RBFOX3: variants seen among roughly 807,000 people sequenced by gnomAD.
RBFOX3 encodes the protein RNA binding protein fox-1 homolog 3.
RBFOX3 carries 17 observed loss-of-function variants against 48.7 expected under a neutral mutation model. The ratio of observed to expected loss-of-function variants is 0.35; its 90% CI spans 0.24 to 0.52. The LOEUF (loss-of-function observed/expected upper bound fraction) is 0.52. RBFOX3 is among the 20% of genes least tolerant of loss of function. RBFOX3 has a pLI of 0.94. For synonymous variants in RBFOX3, 212 were observed against 209.5 expected (o/e 1.01, Z -0.10); for missense variants, 382 against 497.5 (o/e 0.77, Z 2.21).
intron 1 of RBFOX3, among the ~76,000 whole-genome samples, chr17:79,551,228 G>A (rs953073819): frequency 6.6e-6 from 1 of 152,074 alleles, no homozygotes; most frequent in African/African-American, 2.4e-5. Context: ...AACATGAGCA[G>A]GGCGATTCCC....
At chr17:79,542,364 C>T (rs1382456749) in intron 1 of RBFOX3, among the ~76,000 whole-genome samples, 15 of 152,118 alleles carry the variant, frequency 9.9e-5, no homozygotes, top group African/African-American at 2.4e-4. Context: ...GCAGTGTGAG[C>T]GCTAGTGGGG....
intron 2 of RBFOX3, among the ~76,000 whole-genome samples, chr17:79,386,752 C>T (rs943350469): frequency 6.6e-6 from 1 of 152,204 alleles, no homozygotes; most frequent in African/African-American, 2.4e-5. Context: ...GGCCCCACCC[C>T]CTACTCCAAG....
chr17:79,508,013 C>T (rs1286209951), intron 1 of RBFOX3, among the ~76,000 whole-genome samples: 41 of 152,236 alleles, frequency 2.7e-4, no homozygotes, highest in African/African-American at 8.9e-4. Flanking sequence ...AACATGGATG[C>T]TGTTGAGGAC....
chr17:79,097,609 C>CAAA, intron 10 of RBFOX3, 83 bp downstream of exon 10: 2 of 1,297,002 alleles, frequency 1.5e-6, no homozygotes, highest in Non-Finnish European at 2.1e-6. Flanking sequence ...CCCCGCCCCT[C>CAAA]ATGCCCCGCC....
At position 79,161,076 on chromosome 17, in the gene RBFOX3, C is replaced by T. The variant is rs565953051; in HGVS notation, c.-33-45328G>A. On this transcript the variant is annotated intron_variant, in intron 4 of 14. Coordinates refer to ENST00000693108, the MANE Select transcript of RBFOX3 (RefSeq NM_001350451.2). ...AGGAAGATGTCTATCTGGTTTTTGC[C>T]CACCAGGAATTTGGAGGTTAGAAAC... Among the ~76,000 whole-genome samples, 14 of 152,160 alleles carry T rather than the reference C, an allele frequency of 9.2e-5. No homozygotes were observed. In the South Asian group the frequency reaches 2.9e-3, roughly 32 times the overall value.
At chr17:79,588,645 C>T (rs1350089494) in intron 1 of RBFOX3, among the ~76,000 whole-genome samples, 2 of 152,172 alleles carry the variant, frequency 1.3e-5, no homozygotes, top group African/African-American at 4.8e-5. Flanking sequence ...CACAGCCCTC[C>T]CCCAAGAGAC....
Position 79,120,687 on chromosome 17 carries a change from T to C in RBFOX3, c.-33-4939A>G, listed in dbSNP as rs1016728910. 1.2e-4 allele frequency among the ~76,000 whole-genome samples: 10 copies of C among 82,344 alleles called. No individual in the cohort carries two copies. In the East Asian group the frequency reaches 4.2e-3, roughly 35 times the overall value. The allele number at this position is 82,344 out of a possible 152,430, so 54.0% of individuals were successfully genotyped here. A position where few individuals can be genotyped will look rare whatever the true frequency, so the allele number is the denominator to read the frequency against. On this transcript the variant is annotated intron_variant, in intron 4 of 14. Transcript: ENST00000693108. ...ATGAATGGATGGGTGGATGGTTGGA[T>C]GGATAGATGGGTGGGTGGGTGGGTG...
chr17:79,521,576 C>T (rs2086107015), intron 1 of RBFOX3, among the ~76,000 whole-genome samples: 1 of 151,756 alleles, frequency 6.6e-6, no homozygotes, highest in East Asian at 1.9e-4. Flanking sequence ...AAACATACTC[C>T]ACAGACATAC....
At chr17:79,478,283 G>A (rs569869816) in intron 2 of RBFOX3, among the ~76,000 whole-genome samples, 102 of 152,338 alleles carry the variant, frequency 6.7e-4, no homozygotes, top group Admixed American at 1.3e-3. Flanking sequence ...ATGTGTTGCC[G>A]CTCATGGGTG....
chr17:79,485,851 C>T (rs1336985966), intron 1 of RBFOX3, among the ~76,000 whole-genome samples: 1 of 152,214 alleles, frequency 6.6e-6, no homozygotes, highest in Non-Finnish European at 1.5e-5. Context: ...ATCCTAGCCC[C>T]ACCGATAGGC....
chr17:79,578,759 G>T (rs1213667284), intron 1 of RBFOX3, among the ~76,000 whole-genome samples: 2 of 152,238 alleles, frequency 1.3e-5, no homozygotes, highest in Non-Finnish European at 2.9e-5. Flanking sequence ...GAAGCCAGAG[G>T]TGTGGGTAGC....
At chr17:79,650,574 T>G in the RBFOX3 span, among the ~76,000 whole-genome samples, 1 of 151,912 alleles carries the variant, frequency 6.6e-6, no homozygotes, top group Non-Finnish European at 1.5e-5. Context: ...GATGCCAGGC[T>G]CACAGAGCAG....
intron 1 of RBFOX3, among the ~76,000 whole-genome samples, chr17:79,596,702 A>G (rs905490337): frequency 1.4e-5 from 2 of 146,896 alleles, no homozygotes; most frequent in Middle Eastern, 3.5e-3. Flanking sequence ...TTGCAGCCCA[A>G]TACGGGAGAT....
At chr17:79,163,331 T>C (rs2047349602) in intron 4 of RBFOX3, among the ~76,000 whole-genome samples, 1 of 151,938 alleles carries the variant, frequency 6.6e-6, no homozygotes, top group Admixed American at 6.5e-5. Context: ...GTTCTGAGGG[T>C]GTCAAGAGGG....
chr17:79,211,233 T>C (rs2058340912), intron 4 of RBFOX3, among the ~76,000 whole-genome samples: 1 of 152,214 alleles, frequency 6.6e-6, no homozygotes, highest in African/African-American at 2.4e-5. Flanking sequence ...GGTGGGTGGC[T>C]GTGGCTTCCG....
chr17:79,447,382 C>T (rs1555738946), intron 2 of RBFOX3, among the ~76,000 whole-genome samples: 1 of 152,216 alleles, frequency 6.6e-6, no homozygotes, highest in African/African-American at 2.4e-5. Flanking sequence ...ACTGCCACTC[C>T]CCCTCCACAG....
intron 4 of RBFOX3, among the ~76,000 whole-genome samples, chr17:79,222,807 G>C (rs1173962544): frequency 6.6e-6 from 1 of 152,188 alleles, no homozygotes; most frequent in African/African-American, 2.4e-5. Flanking sequence ...ATGCCCAAAT[G>C]CTGGCTGTGG....
At chr17:79,095,415 T>A in intron 13 of RBFOX3, 98 bp downstream of exon 13, 1 of 1,079,474 alleles carries the variant, frequency 9.3e-7, no homozygotes, top group Non-Finnish European at 1.3e-6. Flanking sequence ...CCTGGAAGAG[T>A]GGGTTACGCC....
intron 1 of RBFOX3, among the ~76,000 whole-genome samples, chr17:79,593,617 C>T (rs1171499399): frequency 6.6e-6 from 1 of 152,220 alleles, no homozygotes; most frequent in African/African-American, 2.4e-5. Flanking sequence ...AATCTAATTT[C>T]TGAGGACCGG....
Sources: gnomAD v4.1 joint callset for allele counts (sites outside exome capture counted in the v4.1 genomes callset) on GRCh38, gnomAD v4.1.1 for gene constraint, MANE v1.5 for transcripts, NCBI Gene and HGNC (gene_info 2026-07-23, HGNC 2026-07-21) for gene names.